Variants in PLD3 observed in about 807,000 individuals in gnomAD.
PLD3 encodes the protein 5'-3' exonuclease PLD3.
A neutral mutation model predicts 58.4 loss-of-function variants in PLD3; 31 were observed. That is an observed-to-expected ratio of 0.53 (90% CI 0.40 to 0.72). The LOEUF (loss-of-function observed/expected upper bound fraction) is 0.72, where lower values mean the gene tolerates loss of function less well. Among genes scored for constraint, PLD3 ranks in the 30% least tolerant of loss-of-function variants. PLD3 has a pLI of 0.00. For synonymous variants in PLD3, 264 were observed against 273.4 expected, an observed-to-expected ratio of 0.97 and a Z score of 0.34; for missense variants, 595 against 659.8, an observed-to-expected ratio of 0.90 and a Z score of 1.08.
intron 1 of PLD3, among the ~76,000 whole-genome samples, chr19:40,349,718 G>A (rs751387742): frequency 2.2e-4 from 34 of 152,250 alleles, no homozygotes; most frequent in Non-Finnish European, 4.4e-4. Context: ...CAGCACTTTA[G>A]GAGGCCAAGG....
chr19:40,357,193 C>A (rs1444926599), intron 1 of PLD3: 3 of 152,120 alleles, frequency 2.0e-5, no homozygotes, highest in Admixed American at 2.0e-4. Context: ...AAAATCAGCA[C>A]CATTAAACAT....
intron 1 of PLD3, among the ~76,000 whole-genome samples, chr19:40,352,682 G>A (rs1449385081): frequency 6.6e-6 from 1 of 152,100 alleles, no homozygotes; most frequent in Non-Finnish European, 1.5e-5. Flanking sequence ...GTGCTTTGAG[G>A]CCAGGCACAG....
intron 1 of PLD3, chr19:40,357,839 G>A (rs919995830): frequency 6.6e-6 from 1 of 152,210 alleles, no homozygotes. Flanking sequence ...CAACTAGCAT[G>A]TTTCAAGGGC....
chr19:40,362,687 C>T (rs568421318), intron 1 of PLD3, among the ~76,000 whole-genome samples: 189 of 152,126 alleles, frequency 1.2e-3, no homozygotes, highest in Admixed American at 2.0e-3. Context: ...ATCCTCCCAC[C>T]TTGGCCTCCC....
chr19:40,354,034 C>T (rs1333373600), intron 1 of PLD3, among the ~76,000 whole-genome samples: 1 of 149,106 alleles, frequency 6.7e-6, no homozygotes, highest in African/African-American at 2.5e-5. Flanking sequence ...GCTAGGGCTA[C>T]AGGCGCATAC....
chr19:40,362,617 T>C (rs1202405076), intron 1 of PLD3, among the ~76,000 whole-genome samples: 1 of 152,154 alleles, frequency 6.6e-6, no homozygotes, highest in African/African-American at 2.4e-5. Context: ...CTTTCATTTG[T>C]TGTAGAGATT....
chr19:40,377,770 C>T lies in PLD3; in HGVS notation c.1186-16C>T. 1 of 1,601,668 alleles carries T rather than the reference C, an allele frequency of 6.2e-7. No homozygotes were observed. The highest frequency in any genetic ancestry group is 8.6e-7 in the Non-Finnish European group (1 of 1,168,894). ...CCTGCCTCTCACACTCCTTCCCATC[C>T]TCCCCTCCCACTCAGAAACTCTTTG... On this transcript the variant is annotated splice_polypyrimidine_tract_variant and intron_variant, in intron 11 of 12. Transcript: ENST00000409735.
In PLD3 at chr19:40,370,187, A is replaced by G. The variant is rs764100883; in HGVS notation, c.628A>G (p.Thr210Ala). ...LHTKFWVVDQTHFYLGSANMD... is the reference protein window; with the variant it reads ...LHTKFWVVDQAHFYLGSANMD... ...TACCAAGTTCTGGGTGGTGGACCAG[A>G]CCCACTTCTACCTGGGCAGTGCCAA... Residue 210 changes from threonine to alanine, a missense_variant, in exon 8 of 13, where the codon ACC becomes GCC. By Grantham distance (58) the Thr-to-Ala change is moderately conservative. Coordinates refer to ENST00000409735, the MANE Select transcript of PLD3 (RefSeq NM_012268.4). 29 of 1,613,854 alleles carry G rather than the reference A, an allele frequency of 1.8e-5. No homozygotes were observed. The Middle Eastern group carries it at 8.2e-4, about 46-fold the overall frequency.
At position 40,378,328 on chromosome 19, in the gene PLD3, C is replaced by T; in HGVS notation, c.*155C>T. 1 of 759,794 alleles carries T rather than the reference C, an allele frequency of 1.3e-6. No individual in the cohort carries two copies. The highest frequency in any genetic ancestry group is 2.3e-6 in the Non-Finnish European group (1 of 434,354). 47.1% of individuals were successfully genotyped at this position (759,794 alleles called of 1,614,324 possible). Reference sequence around the variant, plus strand: ...TCTCCCACCTCTACCTCCACCCCCACCGGCCTGACGCTGTGGCCCCGGGAC... The same window carrying T: ...TCTCCCACCTCTACCTCCACCCCCATCGGCCTGACGCTGTGGCCCCGGGAC... On this transcript the variant is annotated 3_prime_UTR_variant, in exon 13 of 13. Transcript: ENST00000409735.
chr19:40,370,313 C>T, intron 8 of PLD3, 76 bp downstream of exon 8: 2 of 1,487,150 alleles, frequency 1.3e-6, no homozygotes, highest in Admixed American at 1.9e-5. Context: ...GACTGCATCC[C>T]TCACTCAATC....
chr19:40,354,754 G>A (rs1424974537), intron 1 of PLD3, among the ~76,000 whole-genome samples: 3 of 143,868 alleles, frequency 2.1e-5, no homozygotes, highest in Admixed American at 2.1e-4. Flanking sequence ...TCGAGCTCCT[G>A]ACCTCAAGTG....
At chr19:40,365,243 G>T (rs1166107841) in intron 1 of PLD3, among the ~76,000 whole-genome samples, 1 of 152,204 alleles carries the variant, frequency 6.6e-6, no homozygotes, top group African/African-American at 2.4e-5. Flanking sequence ...GGGGTCTCCA[G>T]TGTATTTCTC....
At chr19:40,373,506 G>C (rs1017990178) in intron 9 of PLD3, among the ~76,000 whole-genome samples, 2 of 151,568 alleles carry the variant, frequency 1.3e-5, no homozygotes, top group East Asian at 1.9e-4. Context: ...GAACCCAGGA[G>C]GTAGAGGTTG....
chr19:40,365,151 G>A (rs1472924571), intron 1 of PLD3, among the ~76,000 whole-genome samples: 1 of 152,106 alleles, frequency 6.6e-6, no homozygotes, highest in Non-Finnish European at 1.5e-5. Flanking sequence ...GGGTGTCCCT[G>A]TCTCATTGAG....
At chr19:40,352,855 C>T (rs2078552939) in intron 1 of PLD3, among the ~76,000 whole-genome samples, 1 of 152,022 alleles carries the variant, frequency 6.6e-6, no homozygotes, top group African/African-American at 2.4e-5. Context: ...TCCAGCTACT[C>T]AGGAGGCTGA....
At chr19:40,357,768 CAT>C (rs1328903061) in intron 1 of PLD3, 5 of 152,136 alleles carry the variant, frequency 3.3e-5, no homozygotes, top group African/African-American at 4.8e-5. Context: ...GCAAGGGACA[CAT>C]ATGTTGATTA....
rs766674684 is a variant in PLD3, at chr19:40,377,841, T to C, written c.1241T>C (p.Val414Ala). 1.2e-6 allele frequency: 2 copies of C among 1,613,992 alleles called. No homozygotes were observed. The highest frequency in any genetic ancestry group is 3.3e-5 in the Admixed American group (2 of 60,012). The change falls in exon 12 of 13, where the codon GTC (valine) becomes GCC (alanine). Residue 414 changes from valine (V) to alanine (A), a missense_variant. By Grantham distance (64) the Val-to-Ala change is moderately conservative. Transcript: ENST00000409735. The part of the protein sequence containing the change: ...EAQARIPYAR[V>A]NHNKYMVTER... ...CAGGCTCGAATCCCATATGCCCGTGTCAACCACAACAAGTACATGGTGACT... is the reference window on the plus strand; with the variant it reads ...CAGGCTCGAATCCCATATGCCCGTGCCAACCACAACAAGTACATGGTGACT...
intron 1 of PLD3, among the ~76,000 whole-genome samples, chr19:40,362,643 GC>G (rs1343881858): frequency 2.0e-5 from 3 of 152,088 alleles, no homozygotes; most frequent in African/African-American, 7.2e-5. Flanking sequence ...TCACTATGTT[GC>G]CCAGGCTGGT....
At chr19:40,368,780 G>A (rs2078991711) in intron 6 of PLD3, among the ~76,000 whole-genome samples, 1 of 151,884 alleles carries the variant, frequency 6.6e-6, no homozygotes, top group Non-Finnish European at 1.5e-5. Flanking sequence ...AAAAAATTAG[G>A]AGGGTGTTGT....
Sources: gnomAD v4.1 joint callset for allele counts (sites outside exome capture counted in the v4.1 genomes callset) on GRCh38, gnomAD v4.1.1 for gene constraint, MANE v1.5 for transcripts, NCBI Gene and HGNC (gene_info 2026-07-23, HGNC 2026-07-21) for gene names.